PRKX: variants seen among roughly 807,000 people sequenced by gnomAD.
The protein encoded by PRKX is cAMP-dependent protein kinase catalytic subunit PRKX.
PRKX carries 12 observed loss-of-function variants against 22.0 expected under a neutral mutation model. The observed-to-expected ratio is 0.54, with a 90% CI of 0.35 to 0.88. The LOEUF (loss-of-function observed/expected upper bound fraction) is 0.88. Ranked by LOEUF, PRKX falls within the 40% of genes least tolerant of loss-of-function variation. The pLI is 0.01. For synonymous variants in PRKX, 134 were observed against 137.7 expected, an observed-to-expected ratio of 0.97 and a Z score of 0.19; for missense variants, 217 against 308.0, an observed-to-expected ratio of 0.70 and a Z score of 2.21.
chrX:3,628,049 T>C (rs113618983), intron 4 of PRKX, among the ~76,000 whole-genome samples: 4 of 111,368 alleles, frequency 3.6e-5, no homozygotes, highest in African/African-American at 1.3e-4. Context: ...CTACACACAG[T>C]AGAATACTAT....
At chrX:3,630,873 G>A (rs182631870) in intron 4 of PRKX, among the ~76,000 whole-genome samples, 5 of 111,444 alleles carry the variant, frequency 4.5e-5, no homozygotes, top group Admixed American at 3.8e-4. Context: ...AGATTTGGGT[G>A]GGGACACAAA....
In PRKX at chrX:3,713,544, G is replaced by T; in HGVS notation, c.-291C>A. The T allele has an allele frequency of 5.0e-6, 1 of 201,796 alleles. No homozygotes were observed. Among genetic ancestry groups the T allele is most frequent in the East Asian group, 8.4e-5 (1 of 11,860 alleles). 16.6% of individuals were successfully genotyped at this position (201,796 alleles called of 1,213,427 possible). A position where few individuals can be genotyped will look rare whatever the true frequency, so the allele number is the denominator to read the frequency against. On this transcript the variant is annotated 5_prime_UTR_variant, in exon 1 of 9. Transcript: ENST00000262848. Reference sequence around the variant, plus strand: ...GGGGAAGGCGGGGGCCGCGGCCCGGGCTGGGGGGGGCGAGGCGGGGGCCCT... The same window carrying T: ...GGGGAAGGCGGGGGCCGCGGCCCGGTCTGGGGGGGGCGAGGCGGGGGCCCT...
chrX:3,707,985 C>G (rs931718666), intron 1 of PRKX, among the ~76,000 whole-genome samples: 4 of 112,157 alleles, frequency 3.6e-5, no homozygotes, highest in African/African-American at 1.3e-4. Flanking sequence ...CCATTCGTCC[C>G]GGCAGCATGC....
chrX:3,710,427 A>C (rs545493973), intron 1 of PRKX, among the ~76,000 whole-genome samples: 1 of 112,272 alleles, frequency 8.9e-6, no homozygotes, highest in East Asian at 2.8e-4. Context: ...GCTGGAGCGC[A>C]GTGGTGTGAT....
intron 1 of PRKX, among the ~76,000 whole-genome samples, chrX:3,696,587 C>T (rs950188575): frequency 8.9e-6 from 1 of 111,917 alleles, no homozygotes; most frequent in Non-Finnish European, 1.9e-5. Flanking sequence ...ACTCGAAGCG[C>T]GGGTTCCACG....
chrX:3,695,674 G>C (rs1928429775), intron 1 of PRKX, among the ~76,000 whole-genome samples: 2 of 111,783 alleles, frequency 1.8e-5, no homozygotes, highest in African/African-American at 6.5e-5. Flanking sequence ...ACCTCCCAAA[G>C]TTTGAGTCAC....
chrX:3,691,946 AATTG>A (rs911170732), intron 1 of PRKX, among the ~76,000 whole-genome samples: 3 of 109,828 alleles, frequency 2.7e-5, no homozygotes, highest in Non-Finnish European at 3.8e-5. Flanking sequence ...TACACTGATT[AATTG>A]ATTGGATGGA....
At chrX:3,706,573 C>T (rs1000019467) in intron 1 of PRKX, among the ~76,000 whole-genome samples, 10 of 112,120 alleles carry the variant, frequency 8.9e-5, no homozygotes, top group African/African-American at 3.2e-4. Context: ...GCAACCTCAA[C>T]CTCCTGGGCT....
intron 3 of PRKX, among the ~76,000 whole-genome samples, chrX:3,645,891 A>G (rs1927177251): frequency 8.9e-6 from 1 of 112,472 alleles, no homozygotes; most frequent in Non-Finnish European, 1.9e-5. Flanking sequence ...CCATGATCGT[A>G]CCACTGCACT....
At chrX:3,657,361 T>G (rs1425449156) in intron 2 of PRKX, among the ~76,000 whole-genome samples, 2 of 110,550 alleles carry the variant, frequency 1.8e-5, no homozygotes, top group African/African-American at 6.6e-5. Context: ...GAAGAGGAGA[T>G]GAGGACACAG....
At chrX:3,693,732 T>C (rs1351987256) in intron 1 of PRKX, among the ~76,000 whole-genome samples, 5 of 107,907 alleles carry the variant, frequency 4.6e-5, no homozygotes, top group Non-Finnish European at 7.7e-5. Flanking sequence ...GGTCAGGAGA[T>C]AGAGACCATC....
intron 1 of PRKX, among the ~76,000 whole-genome samples, chrX:3,689,771 A>C (rs1341212619): frequency 8.9e-6 from 1 of 111,782 alleles, no homozygotes; most frequent in Non-Finnish European, 1.9e-5. Flanking sequence ...AGGTCAGGAG[A>C]TCGAGACCAT....
chrX:3,712,872 C>A (rs1399060604), intron 1 of PRKX, among the ~76,000 whole-genome samples: 1 of 112,702 alleles, frequency 8.9e-6, no homozygotes, highest in African/African-American at 3.2e-5. Context: ...AGGCACCCGG[C>A]CGGTCGGGGG....
intron 1 of PRKX, among the ~76,000 whole-genome samples, chrX:3,676,378 C>T (rs1927955634): frequency 9.0e-6 from 1 of 111,635 alleles, no homozygotes; most frequent in African/African-American, 3.3e-5. Context: ...ACTCCTGTGC[C>T]TGCTTTATGC....
rs1926142048 is a variant in PRKX at position 3,605,233 on chromosome X, T to C, written c.*3736A>G. 2.7e-5 allele frequency: 3 copies of C among 111,525 alleles called. No individual in the cohort carries two copies. Among genetic ancestry groups the C allele is most frequent in the African/African-American group, 9.8e-5 (3 of 30,637 alleles). 9.2% of individuals were successfully genotyped at this position (111,525 alleles called of 1,213,427 possible). On this transcript the variant is annotated 3_prime_UTR_variant, in exon 9 of 9. Coordinates refer to ENST00000262848, the MANE Select transcript of PRKX (RefSeq NM_005044.5). ...CCTCCAATGTGTGTAAAATGCATGCTAGGTAGATTGAAGGAAAAACGAGAG... is the reference window on the plus strand; with the variant it reads ...CCTCCAATGTGTGTAAAATGCATGCCAGGTAGATTGAAGGAAAAACGAGAG...
chrX:3,654,279 AC>A (rs1927428993), intron 3 of PRKX, among the ~76,000 whole-genome samples: 1 of 97,292 alleles, frequency 1.0e-5, no homozygotes, highest in Non-Finnish European at 2.0e-5. Flanking sequence ...CATATATAAT[AC>A]TATATCATAT....
intron 1 of PRKX, among the ~76,000 whole-genome samples, chrX:3,707,669 A>G (rs1928711745): frequency 1.8e-5 from 2 of 110,616 alleles, no homozygotes; most frequent in Admixed American, 1.9e-4. Flanking sequence ...TTAAATTAAA[A>G]AAATAAAATG....
intron 1 of PRKX, among the ~76,000 whole-genome samples, chrX:3,689,192 C>G (rs1371436146): frequency 8.9e-6 from 1 of 112,572 alleles, no homozygotes; most frequent in Non-Finnish European, 1.9e-5. Context: ...CATCCTCAAA[C>G]TCAGTTCTTT....
intron 1 of PRKX, among the ~76,000 whole-genome samples, chrX:3,684,274 G>A (rs6567584): frequency 0.34 from 37,194 of 110,725 alleles, 5,715 homozygotes; most frequent in East Asian, 0.63. Flanking sequence ...ACAAACAAAC[G>A]AACAAAATAA....
Sources: allele counts gnomAD v4.1 joint callset (sites outside exome capture counted in the v4.1 genomes callset), GRCh38; gene constraint gnomAD v4.1.1; transcripts MANE v1.5; gene names NCBI Gene and HGNC (gene_info 2026-07-23, HGNC 2026-07-21).